Variants in MPDZ observed in about 807,000 individuals in gnomAD.
MPDZ encodes multiple PDZ domain protein.
Under a neutral mutation model 239.1 loss-of-function variants are expected in MPDZ, and 234 were observed. The observed-to-expected ratio is 0.98, with a 90% CI of 0.88 to 1.09. MPDZ has a LOEUF of 1.09. Among genes scored for constraint, MPDZ ranks in the 50% least tolerant of loss-of-function variants. MPDZ has a pLI of 0.00. For synonymous variants in MPDZ, 1,048 were observed against 881.3 expected (o/e 1.19, Z -3.35); for missense variants, 3,175 against 2,510.0 (o/e 1.26, Z -5.66).
intron 21 of MPDZ, among the ~76,000 whole-genome samples, chr9:13,171,285 T>G (rs1192875630): frequency 6.6e-6 from 1 of 152,136 alleles, no homozygotes; most frequent in Non-Finnish European, 1.5e-5. Flanking sequence ...GTTACATTGC[T>G]CCCTAAAGAC....
At chr9:13,243,723 T>A (rs1037459344) in intron 3 of MPDZ, among the ~76,000 whole-genome samples, 3 of 152,232 alleles carry the variant, frequency 2.0e-5, no homozygotes, top group Non-Finnish European at 4.4e-5. Flanking sequence ...AGAGTTGTCA[T>A]AAAATTTCCA....
At chr9:13,163,493 C>A (rs771268918) in intron 22 of MPDZ, among the ~76,000 whole-genome samples, 1 of 152,196 alleles carries the variant, frequency 6.6e-6, no homozygotes, top group Non-Finnish European at 1.5e-5. Flanking sequence ...ATGCGGAAGA[C>A]ACTGTGCCAG....
At chr9:13,202,809 A>G (rs1956545019) in intron 12 of MPDZ, among the ~76,000 whole-genome samples, 1 of 152,164 alleles carries the variant, frequency 6.6e-6, no homozygotes, top group Non-Finnish European at 1.5e-5. Flanking sequence ...CTTATCAGTC[A>G]TGGCTCCTCT....
chr9:13,123,532 A>G (rs1944678106), intron 35 of MPDZ, among the ~76,000 whole-genome samples: 1 of 152,144 alleles, frequency 6.6e-6, no homozygotes, highest in African/African-American at 2.4e-5. Context: ...TTACCTATTT[A>G]ATTATTTTCT....
At position 13,107,054 on chromosome 9, in the gene MPDZ, C is replaced by T. The variant is rs372509971; in HGVS notation, c.6124G>A (p.Gly2042Arg). Residue 2042 changes from glycine to arginine, a missense_variant, in exon 47 of 47, where the codon GGG (glycine) becomes AGG (arginine). Coordinates refer to ENST00000319217, the MANE Select transcript of MPDZ (RefSeq NM_001378778.1). ...TGGGTGACTCCTTCTAGACTCTGCC[C>T]ATTGACAGCAATGATCTGATCGCCC... ...KRGDQIIAVN[G>R]QSLEGVTHEE... 13 of 1,609,056 alleles carry T rather than the reference C, an allele frequency of 8.1e-6. No homozygotes were observed. Among genetic ancestry groups the T allele is most frequent in the African/African-American group, 1.3e-5 (1 of 74,878 alleles).
In MPDZ at chr9:13,113,986, T is replaced by A; in HGVS notation, c.5502A>T (p.Pro1834=). 1.9e-6 allele frequency: 3 copies of A among 1,598,306 alleles called. No individual in the cohort carries two copies. In the South Asian group the frequency reaches 3.4e-5, roughly 18 times the overall value. Residue 1834 remains proline, a synonymous_variant, in exon 41 of 47, where the codon CCA becomes CCT. Transcript: ENST00000319217. ...ACTCAGATGTACTGGATCCAGAGAGTGGAAAAGTGAAAGATGACAGGCTGC... is the reference window on the plus strand; with the variant it reads ...ACTCAGATGTACTGGATCCAGAGAGAGGAAAAGTGAAAGATGACAGGCTGC... ...SEGSLSSFTF[P]LSGSSTSESL... is the part of the protein sequence containing the mutation.
intron 41 of MPDZ, 123 bp from the exon 42 acceptor site, chr9:13,113,177 T>C: frequency 1.3e-6 from 1 of 753,900 alleles, no homozygotes. Flanking sequence ...AAGGGGGTGC[T>C]CAAAGCTGCT....
At chr9:13,260,615 C>T (rs1147776) in intron 1 of MPDZ, among the ~76,000 whole-genome samples, 2 of 152,074 alleles carry the variant, frequency 1.3e-5, no homozygotes, top group African/African-American at 4.8e-5. Context: ...AAACAGTTAA[C>T]GTTAAATGAG....
At chr9:13,198,470 A>G (rs949216465) in intron 12 of MPDZ, among the ~76,000 whole-genome samples, 1 of 150,992 alleles carries the variant, frequency 6.6e-6, no homozygotes, top group Non-Finnish European at 1.5e-5. Context: ...GAGTTTTTTG[A>G]GCTCTTTATA....
chr9:13,119,883 C>T, intron 38 of MPDZ: 1 of 524,484 alleles, frequency 1.9e-6, no homozygotes, highest in Non-Finnish European at 3.4e-6. Context: ...ATTTATTCTT[C>T]ATCATTTATA....
At chr9:13,154,146 G>A (rs1949538832) in intron 24 of MPDZ, among the ~76,000 whole-genome samples, 1 of 152,034 alleles carries the variant, frequency 6.6e-6, no homozygotes, top group Non-Finnish European at 1.5e-5. Flanking sequence ...TACCCTCCCT[G>A]GAAGTAAAGG....
In MPDZ at chr9:13,150,558, G is replaced by T. The variant is rs767629817; in HGVS notation, c.3583C>A (p.Pro1195Thr). The T allele has an allele frequency of 4.4e-6, 7 of 1,573,862 alleles. No homozygotes were observed. The highest frequency in any genetic ancestry group is 3.5e-5 in the Admixed American group (2 of 57,376). Residue 1195 changes from proline to threonine, a missense_variant, in exon 25 of 47, where the codon CCA becomes ACA. Pro to Thr is a conservative substitution (Grantham distance 38, BLOSUM62 -1). Transcript: ENST00000319217. ...TTCAAGGTTCCATTTTTGCCAGCTG[G>T]ACTATCTTCCAGAACATGTTTGATG... ...IFIKHVLEDS[P>T]AGKNGTLKPG...
chr9:13,217,692 G>A (rs1958525855), intron 8 of MPDZ, among the ~76,000 whole-genome samples: 1 of 151,794 alleles, frequency 6.6e-6, no homozygotes, highest in Admixed American at 6.6e-5. Context: ...GTTAAATCTA[G>A]CTTTGCCACT....
Position 13,222,239 on chromosome 9 carries a change from A to C in MPDZ, c.741T>G (p.Ser247=). The C allele has an allele frequency of 2.5e-6, 4 of 1,612,138 alleles. No homozygotes were observed. Among genetic ancestry groups the C allele is most frequent in the Non-Finnish European group, 3.4e-6 (4 of 1,178,792 alleles). ...GAAAATTTTAGGTACTCACCGGATT[A>C]GAGTGAGCTGAAATTGTGCTGGCTG... ...PSAASTISAH[S]NPVHWQHMET... Residue 247 remains serine (S), a synonymous_variant, in exon 6 of 47, where the codon TCT becomes TCG. Coordinates refer to ENST00000319217, the MANE Select transcript of MPDZ (RefSeq NM_001378778.1).
intron 3 of MPDZ, among the ~76,000 whole-genome samples, chr9:13,246,931 T>C: frequency 6.6e-6 from 1 of 152,330 alleles, no homozygotes; most frequent in South Asian, 2.1e-4. Context: ...GAAATGGTGA[T>C]TAAATTAAGT....
intron 1 of MPDZ, among the ~76,000 whole-genome samples, chr9:13,276,222 T>C (rs1369236363): frequency 6.6e-6 from 1 of 152,206 alleles, no homozygotes; most frequent in African/African-American, 2.4e-5. Context: ...ATACCTCGGA[T>C]CTTCTCTGGA....
In MPDZ at chr9:13,219,315, T is replaced by C. The variant is rs561257039; in HGVS notation, c.1086+244A>G. Among the ~76,000 whole-genome samples the C allele has an allele frequency of 3.3e-5, 5 of 152,148 alleles. No homozygotes were observed. The East Asian group carries it at 7.8e-4, about 24-fold the overall frequency. On this transcript the variant is annotated intron_variant, in intron 8 of 46. Transcript: ENST00000319217. ...CTTTAAAACATTATCCTCATAAATA[T>C]GCTGCTTAAATAAAAATGTAAAATA... is the stretch of plus-strand genomic sequence containing the variant.
intron 31 of MPDZ, chr9:13,135,243 G>A (rs1587092629): frequency 6.6e-6 from 1 of 152,284 alleles, no homozygotes; most frequent in East Asian, 1.9e-4. Flanking sequence ...TATCCTACCT[G>A]TTTTATTCTC....
At chr9:13,163,975 T>C (rs1240029353) in intron 22 of MPDZ, among the ~76,000 whole-genome samples, 2 of 152,132 alleles carry the variant, frequency 1.3e-5, no homozygotes, top group South Asian at 2.1e-4. Context: ...ACGCAGAGTG[T>C]CATGGGGTAA....
Sources: gnomAD v4.1 joint callset for allele counts (sites outside exome capture counted in the v4.1 genomes callset) on GRCh38, gnomAD v4.1.1 for gene constraint, MANE v1.5 for transcripts, NCBI Gene and HGNC (gene_info 2026-07-23, HGNC 2026-07-21) for gene names.